The following ASTN2 variants were observed in gnomAD, a reference collection of about 807,000 sequenced individuals.
ASTN2 encodes astrotactin-2.
A neutral mutation model predicts 139.8 loss-of-function variants in ASTN2; 54 were observed. The observed-to-expected ratio is 0.39, with a 90% CI of 0.31 to 0.48. The LOEUF is 0.48. Ranked by LOEUF, ASTN2 falls within the 20% of genes least tolerant of loss-of-function variation. ASTN2 has a pLI of 0.95. For missense variants in ASTN2, 1,565 were observed against 1,725.1 expected, an observed-to-expected ratio of 0.91 and a Z score of 1.64; for synonymous variants, 756 against 719.5, an observed-to-expected ratio of 1.05 and a Z score of -0.81.
intron 3 of ASTN2, among the ~76,000 whole-genome samples, chr9:117,211,801 A>G (rs1198200351): frequency 6.6e-6 from 1 of 152,206 alleles, no homozygotes; most frequent in African/African-American, 2.4e-5. Flanking sequence ...TCCCATCTAC[A>G]ACAGCTATAA....
At chr9:117,093,785 GCAA>G (rs1828765864) in intron 5 of ASTN2, among the ~76,000 whole-genome samples, 4 of 152,268 alleles carry the variant, frequency 2.6e-5, no homozygotes, top group Non-Finnish European at 5.9e-5. Context: ...AGCTGCGGCA[GCAA>G]CAACAACAAC....
chr9:117,020,326 G>A (rs1000524652), intron 6 of ASTN2, among the ~76,000 whole-genome samples: 3 of 151,038 alleles, frequency 2.0e-5, no homozygotes, highest in African/African-American at 7.4e-5. Context: ...ACACATAGAA[G>A]GTGATGAAAA....
intron 17 of ASTN2, among the ~76,000 whole-genome samples, chr9:116,641,694 A>G (rs60519275): frequency 0.011 from 1,692 of 152,272 alleles, 30 homozygotes; most frequent in African/African-American, 0.039. Context: ...CTAAAACTGT[A>G]TATCTCGCAT....
At chr9:117,252,789 T>C (rs891038017) in intron 2 of ASTN2, among the ~76,000 whole-genome samples, 1 of 152,214 alleles carries the variant, frequency 6.6e-6, no homozygotes, top group Non-Finnish European at 1.5e-5. Flanking sequence ...CGTCAAGATT[T>C]TGCCAAAGCC....
chr9:116,494,323 G>T (rs751355587), intron 19 of ASTN2, among the ~76,000 whole-genome samples: 4 of 152,092 alleles, frequency 2.6e-5, no homozygotes, highest in Non-Finnish European at 5.9e-5. Context: ...AGTCAGGTGA[G>T]GATTGAGTAA....
At chr9:117,290,095 G>A (rs1834550867) in intron 2 of ASTN2, among the ~76,000 whole-genome samples, 1 of 152,180 alleles carries the variant, frequency 6.6e-6, no homozygotes, top group South Asian at 2.1e-4. Flanking sequence ...AGGGTTGAGA[G>A]GTAGCTCTGC....
At chr9:116,430,860 T>C (rs1847475125) in intron 22 of ASTN2, among the ~76,000 whole-genome samples, 1 of 152,084 alleles carries the variant, frequency 6.6e-6, no homozygotes, top group African/African-American at 2.4e-5. Flanking sequence ...AAGGCAAAAA[T>C]GCTGGCTAAT....
intron 16 of ASTN2, among the ~76,000 whole-genome samples, chr9:116,654,090 G>A (rs990101582): frequency 6.6e-6 from 1 of 152,190 alleles, no homozygotes; most frequent in Admixed American, 6.5e-5. Flanking sequence ...ATAGCCGTTC[G>A]GGGAGAAGGT....
At chr9:116,445,062 G>A (rs946667727) in intron 20 of ASTN2, among the ~76,000 whole-genome samples, 1 of 152,172 alleles carries the variant, frequency 6.6e-6, no homozygotes, top group African/African-American at 2.4e-5. Context: ...ATGCTAGCAT[G>A]CATGACTCAT....
intron 19 of ASTN2, chr9:116,613,011 A>G (rs1200730905): frequency 2.0e-5 from 3 of 152,192 alleles, no homozygotes; most frequent in African/African-American, 7.2e-5. Context: ...GAAGAATCAA[A>G]TAGACGCAAT....
intron 20 of ASTN2, among the ~76,000 whole-genome samples, chr9:116,483,802 A>T (rs1441864621): frequency 6.6e-6 from 1 of 152,152 alleles, no homozygotes; most frequent in Admixed American, 6.5e-5. Flanking sequence ...GATCTCATGC[A>T]CCTTGATTTT....
intron 11 of ASTN2, among the ~76,000 whole-genome samples, chr9:116,861,553 A>G (rs1832883442): frequency 1.3e-5 from 2 of 152,190 alleles, no homozygotes; most frequent in African/African-American, 4.8e-5. Context: ...CTGTTGATGT[A>G]TATCAATCTA....
At chr9:117,173,902 G>GT (rs1170824926) in intron 3 of ASTN2, among the ~76,000 whole-genome samples, 1 of 151,470 alleles carries the variant, frequency 6.6e-6, no homozygotes, top group Non-Finnish European at 1.5e-5. Flanking sequence ...CATGAGCAAA[G>GT]TTTTTTTAAA....
chr9:117,144,484 A>G (rs1830145126), intron 3 of ASTN2, among the ~76,000 whole-genome samples: 2 of 152,074 alleles, frequency 1.3e-5, no homozygotes, highest in Admixed American at 6.5e-5. Context: ...ATAAACTTCC[A>G]TAAAACATTA....
At chr9:116,540,629 C>T (rs1851837744) in intron 19 of ASTN2, 1 of 152,234 alleles carries the variant, frequency 6.6e-6, no homozygotes, top group Admixed American at 6.5e-5. Flanking sequence ...GGGCACCAAG[C>T]AGGCCATCTA....
chr9:116,869,301 G>A (rs746860536), intron 10 of ASTN2, among the ~76,000 whole-genome samples: 3 of 152,152 alleles, frequency 2.0e-5, no homozygotes, highest in African/African-American at 7.2e-5. Flanking sequence ...ATAAGGCCAC[G>A]TTCTGAATTT....
At chr9:116,632,261 G>GA (rs1166938620) in intron 17 of ASTN2, among the ~76,000 whole-genome samples, 1 of 131,642 alleles carries the variant, frequency 7.6e-6, no homozygotes, top group Admixed American at 7.5e-5. Flanking sequence ...AGGAAAGAAA[G>GA]AAAGAAAGAA....
intron 17 of ASTN2, among the ~76,000 whole-genome samples, chr9:116,648,548 T>C (rs1164245850): frequency 6.6e-6 from 1 of 152,078 alleles, no homozygotes; most frequent in East Asian, 1.9e-4. Context: ...GACATACACA[T>C]ATGTATTTTA....
intron 19 of ASTN2, among the ~76,000 whole-genome samples, chr9:116,506,320 T>A (rs1235704905): frequency 1.3e-5 from 2 of 152,204 alleles, no homozygotes; most frequent in African/African-American, 4.8e-5. Flanking sequence ...AGCTGGTGGA[T>A]AACAGGAGTG....
Sources: gnomAD v4.1 joint callset for allele counts (sites outside exome capture counted in the v4.1 genomes callset) on GRCh38, gnomAD v4.1.1 for gene constraint, MANE v1.5 for transcripts, NCBI Gene and HGNC (gene_info 2026-07-23, HGNC 2026-07-21) for gene names.